GFM1: variants seen among roughly 807,000 people sequenced by gnomAD.
The protein encoded by GFM1 is G elongation factor mitochondrial 1, also known as elongation factor G, mitochondrial.
Under a neutral mutation model 96.2 loss-of-function variants are expected in GFM1, and 62 were observed. The ratio of observed to expected loss-of-function variants is 0.64; its 90% CI spans 0.53 to 0.80. GFM1 has a LOEUF of 0.80. Ranked by LOEUF, GFM1 falls within the 30% of genes least tolerant of loss-of-function variation. GFM1 has a pLI of 0.00. For missense variants in GFM1, 852 were observed against 916.6 expected (o/e 0.93, Z 0.91); for synonymous variants, 282 against 312.9 (o/e 0.90, Z 1.04).
chr3:158,644,572 TGCGTTAC>T lies in GFM1; in HGVS notation c.-62_-56del. The stretch of plus-strand genomic sequence containing the variant: ...CGGCGTGACTTTGACCGCTTCCCGG[TGCGTTAC>T]CGGCAGCTGAACCCACCCGGCGCCA... On this transcript the variant is annotated 5_prime_UTR_variant, in exon 1 of 18. Transcript: ENST00000486715. The T allele has an allele frequency of 7.3e-7, 1 of 1,370,604 alleles. No homozygotes were observed. Among genetic ancestry groups the T allele is most frequent in the Non-Finnish European group, 1.0e-6 (1 of 985,768 alleles). 84.9% of individuals were successfully genotyped at this position (1,370,604 alleles called of 1,614,324 possible).
rs532092069 is a variant in GFM1, at chr3:158,654,198, TA to T, written c.999-346del. The stretch of plus-strand genomic sequence containing the variant: ...ACTATGTAGTAACTAAGCTAAGCTC[TA>T]AAGACCTTTTTTTTTTTTTTTTTTT... On this transcript the variant is annotated intron_variant, in intron 7 of 17. Transcript: ENST00000486715. Among the ~76,000 whole-genome samples, 54 of 140,088 alleles carry T rather than the reference TA, an allele frequency of 3.9e-4. No individual in the cohort carries two copies. In the South Asian group the frequency reaches 0.013, roughly 35 times the overall value. 91.9% of individuals were successfully genotyped at this position (140,088 alleles called of 152,430 possible).
At chr3:158,654,459 C>T (rs1722576459) in intron 7 of GFM1, 88 bp from the exon 8 acceptor site, 8 of 848,400 alleles carry the variant, frequency 9.4e-6, no homozygotes, top group Non-Finnish European at 1.3e-5. Context: ...CGTGCTTTTT[C>T]TCAGATAATA....
In GFM1 at chr3:158,662,666, A is replaced by G. The variant is rs1576750798; in HGVS notation, c.1362A>G (p.Ala454=). The part of the protein sequence containing the change: ...IHVPDPVISI[A]MKPSNKNDLE... ...TTCCTGATCCTGTCATTTCAATAGC[A>G]ATGAAGCCTTCTAACAAGGTAGGAG... The change falls in exon 11 of 18, where the codon GCA becomes GCG. Residue 454 remains alanine, a synonymous_variant. Coordinates refer to ENST00000486715, the MANE Select transcript of GFM1 (RefSeq NM_024996.7). 2 of 1,597,252 alleles carry G rather than the reference A, an allele frequency of 1.3e-6. No individual in the cohort carries two copies. Among genetic ancestry groups the G allele is most frequent in the Non-Finnish European group, 1.7e-6 (2 of 1,165,126 alleles).
In GFM1 at chr3:158,653,325, G is replaced by C; in HGVS notation, c.856G>C (p.Ala286Pro). The change falls in exon 7 of 18, where the codon GCT (alanine) becomes CCT (proline). Residue 286 changes from alanine (A) to proline (P), a missense_variant. Transcript: ENST00000486715. The part of the protein sequence containing the change: ...ISDLKLAIRR[A>P]TLKRSFTPVF... Reference sequence around the variant, plus strand: ...TCTTTTGTAGCTAGCAATTCGAAGAGCTACTCTGAAAAGATCATTTACTCC... The same window carrying C: ...TCTTTTGTAGCTAGCAATTCGAAGACCTACTCTGAAAAGATCATTTACTCC... The C allele has an allele frequency of 6.2e-7, 1 of 1,613,136 alleles. No individual in the cohort carries two copies. Among genetic ancestry groups the C allele is most frequent in the East Asian group, 2.2e-5 (1 of 44,808 alleles).
intron 13 of GFM1, chr3:158,666,637 G>A (rs1723714825): frequency 6.2e-7 from 1 of 1,607,934 alleles, no homozygotes; most frequent in African/African-American, 1.3e-5. Context: ...CCAGTGTTAG[G>A]GTTTTTGTTT....
chr3:158,646,656 T>G, intron 3 of GFM1, 87 bp from the exon 4 acceptor site: 1 of 1,097,080 alleles, frequency 9.1e-7, no homozygotes, highest in South Asian at 1.3e-5. Context: ...ACTTATGTGA[T>G]GAGCAGAGAT....
At chr3:158,683,844 C>A (rs1725609426) in intron 14 of GFM1, among the ~76,000 whole-genome samples, 1 of 152,112 alleles carries the variant, frequency 6.6e-6, no homozygotes, top group Non-Finnish European at 1.5e-5. Context: ...CAGCTTACGC[C>A]CTTAACTAAT....
chr3:158,652,359 CATTT>C, intron 6 of GFM1, 113 bp downstream of exon 6: 1 of 892,996 alleles, frequency 1.1e-6, no homozygotes, highest in Non-Finnish European at 1.8e-6. Context: ...AATCTCAATA[CATTT>C]ATTTAACATA....
Position 158,694,567 on chromosome 3 carries a change from A to G in GFM1, c.*3100A>G, listed in dbSNP as rs1235634456. Among the ~76,000 whole-genome samples, 2 of 152,046 alleles carry G rather than the reference A, an allele frequency of 1.3e-5. No homozygotes were observed. Among genetic ancestry groups the G allele is most frequent in the African/African-American group, 2.4e-5 (1 of 41,402 alleles). On this transcript the variant is annotated 3_prime_UTR_variant, in exon 18 of 18. Transcript: ENST00000486715. ...AGCTATGTAACAAGCCTGCACATCA[A>G]CCCCTGAACTTAAAGAGATGGGGTC...
chr3:158,680,075 G>A (rs1484265488), intron 13 of GFM1, among the ~76,000 whole-genome samples: 4 of 152,126 alleles, frequency 2.6e-5, no homozygotes, highest in African/African-American at 7.2e-5. Flanking sequence ...AAACAGCAAA[G>A]CCAACACAAT....
In GFM1 at chr3:158,693,696, T is replaced by A. The variant is rs1485126518; in HGVS notation, c.*2229T>A. ...GGATAATTGTTGGCTAATTCAAATA[T>A]TACATCCTTGTATTGGACAACAGTA... is the stretch of plus-strand genomic sequence containing the variant. On this transcript the variant is annotated 3_prime_UTR_variant, in exon 18 of 18. Transcript: ENST00000486715. 1 of 152,228 alleles carries A rather than the reference T, an allele frequency of 6.6e-6. No homozygotes were observed. Among genetic ancestry groups the A allele is most frequent in the African/African-American group, 2.4e-5 (1 of 41,454 alleles). The allele number at this position is 152,228 out of a possible 1,614,324, so 9.4% of individuals were successfully genotyped here.
In GFM1 at chr3:158,675,310, A is replaced by AAAAAAAAAAAAAAAAAAAAAAAAAGG. The variant is rs370161147; in HGVS notation, c.1602-6685_1602-6684insAAAAAAAAAAAAAAAAAAAAAAAAGG. ...CAAAAAAAAAAAAAAAAAAAAAAAA[A>AAAAAAAAAAAAAAAAAAAAAAAAAGG]CAAGTTTTCAAGATAAAAGAGGAGC... On this transcript the variant is annotated intron_variant, in intron 13 of 17. Coordinates refer to ENST00000486715, the MANE Select transcript of GFM1 (RefSeq NM_024996.7). Among the ~76,000 whole-genome samples, 4 of 114,046 alleles carry AAAAAAAAAAAAAAAAAAAAAAAAAGG rather than the reference A, an allele frequency of 3.5e-5. 2 individuals carry two copies. The highest frequency in any genetic ancestry group is 3.4e-5 in the Non-Finnish European group (2 of 58,050). The allele number at this position is 114,046 out of a possible 152,430, so 74.8% of individuals were successfully genotyped here. A position where few individuals can be genotyped will look rare whatever the true frequency, so the allele number is the denominator to read the frequency against.
Position 158,691,692 on chromosome 3 carries a change from TC to T in GFM1, c.*226del, listed in dbSNP as rs1310338080. On this transcript the variant is annotated 3_prime_UTR_variant, in exon 18 of 18. Transcript: ENST00000486715. ...CAACTCTATTGATTGGTTTTATAGT[TC>T]ATTGAAAATCCTCAAATAAAATATA... The T allele has an allele frequency of 4.5e-6, 2 of 441,636 alleles. No homozygotes were observed. Among genetic ancestry groups the T allele is most frequent in the Admixed American group, 7.7e-5 (2 of 25,876 alleles). 27.4% of individuals were successfully genotyped at this position (441,636 alleles called of 1,614,324 possible).
At chr3:158,670,343 C>G (rs558067696) in intron 13 of GFM1, among the ~76,000 whole-genome samples, 1 of 152,070 alleles carries the variant, frequency 6.6e-6, no homozygotes, top group African/African-American at 2.4e-5. Context: ...CTCTAAAAAC[C>G]CAGTGAAAAA....
In GFM1 at chr3:158,676,701, C is replaced by CTTT. The variant is rs201525716; in HGVS notation, c.1602-5281_1602-5279dup. Among the ~76,000 whole-genome samples the CTTT allele has an allele frequency of 1.8e-4, 25 of 140,376 alleles. No homozygotes were observed. The East Asian group carries it at 5.0e-3, about 28-fold the overall frequency. 92.1% of individuals were successfully genotyped at this position (140,376 alleles called of 152,430 possible). A position where few individuals can be genotyped will look rare whatever the true frequency, so the allele number is the denominator to read the frequency against. ...GTCTATCAGCTCCATTTTTCTTTTT[C>CTTT]TTTTTTTTTTTTTTTGAGACAGAGT... On this transcript the variant is annotated intron_variant, in intron 13 of 17. Transcript: ENST00000486715.
At chr3:158,661,338 A>G (rs1723180533) in intron 10 of GFM1, among the ~76,000 whole-genome samples, 1 of 152,164 alleles carries the variant, frequency 6.6e-6, no homozygotes, top group Non-Finnish European at 1.5e-5. Flanking sequence ...TGTTACCACT[A>G]ACATCAAGCT....
rs1726467220 is a variant in GFM1 at position 158,694,074 on chromosome 3, C to T, written c.*2607C>T. ...CAAAAACCATCTGACTCAGCAATAC[C>T]ATTACTATATACCCAAAGGAACGTA... On this transcript the variant is annotated 3_prime_UTR_variant, in exon 18 of 18. Coordinates refer to ENST00000486715, the MANE Select transcript of GFM1 (RefSeq NM_024996.7). Among the ~76,000 whole-genome samples the T allele has an allele frequency of 6.6e-6, 1 of 151,776 alleles. No individual in the cohort carries two copies. The highest frequency in any genetic ancestry group is 2.4e-5 in the African/African-American group (1 of 41,320).
chr3:158,659,475 A>G (rs546972567), intron 9 of GFM1, among the ~76,000 whole-genome samples: 1 of 152,328 alleles, frequency 6.6e-6, no homozygotes, highest in East Asian at 1.9e-4. Flanking sequence ...CTTCTGAAAT[A>G]CGGCAGGCAC....
At chr3:158,657,740 T>C (rs992246536) in intron 8 of GFM1, among the ~76,000 whole-genome samples, 3 of 152,090 alleles carry the variant, frequency 2.0e-5, no homozygotes, top group Non-Finnish European at 4.4e-5. Flanking sequence ...CCAAATAGAG[T>C]ATCAGTTGTC....
Sources: gnomAD v4.1 joint callset for allele counts (sites outside exome capture counted in the v4.1 genomes callset) on GRCh38, gnomAD v4.1.1 for gene constraint, MANE v1.5 for transcripts, NCBI Gene and HGNC (gene_info 2026-07-23, HGNC 2026-07-21) for gene names.